The following DMXL2 variants were observed in gnomAD, a reference collection of about 807,000 sequenced individuals.
DMXL2 encodes Dmx like 2, also known as dmX-like protein 2.
In DMXL2, 103 loss-of-function variants were observed where a neutral mutation model predicts 331.1. That is an observed-to-expected ratio of 0.31 (90% CI 0.27 to 0.37). DMXL2 has a LOEUF of 0.37. DMXL2 is among the 10% of genes least tolerant of loss of function. The probability of loss-of-function intolerance (pLI) is 1.00; values close to 1 mark genes in which losing one functional copy is unlikely to be tolerated. For missense variants in DMXL2, 3,171 were observed against 3,642.9 expected (o/e 0.87, Z 3.33); for synonymous variants, 1,281 against 1,252.1 (o/e 1.02, Z -0.49).
At chr15:51,521,411 T>TTGC (rs1210691731) in intron 13 of DMXL2, among the ~76,000 whole-genome samples, 2 of 136,780 alleles carry the variant, frequency 1.5e-5, no homozygotes, top group East Asian at 4.3e-4. Flanking sequence ...AGATAAAAGT[T>TTGC]TGCTAGTAGT....
chr15:51,497,858 G>A (rs1309136481), intron 18 of DMXL2, among the ~76,000 whole-genome samples: 1 of 152,136 alleles, frequency 6.6e-6, no homozygotes, highest in Non-Finnish European at 1.5e-5. Context: ...GTCCCAATAA[G>A]CCTCATGATT....
chr15:51,459,918 G>A, intron 33 of DMXL2: 5 of 1,107,222 alleles, frequency 4.5e-6, no homozygotes, highest in Non-Finnish European at 5.6e-6. Flanking sequence ...TTAGTTATCT[G>A]TATACAGTTT....
At chr15:51,533,591 T>C (rs2048125019) in intron 13 of DMXL2, among the ~76,000 whole-genome samples, 2 of 152,228 alleles carry the variant, frequency 1.3e-5, no homozygotes, top group South Asian at 4.1e-4. Flanking sequence ...CCTAGTACAA[T>C]GTTTTGGTCA....
At chr15:51,616,092 T>C (rs2141436750) in intron 1 of DMXL2, among the ~76,000 whole-genome samples, 1 of 152,312 alleles carries the variant, frequency 6.6e-6, no homozygotes, top group South Asian at 2.1e-4. Flanking sequence ...AAGGCTCAGT[T>C]TTTAGAAGAC....
intron 5 of DMXL2, 94 bp downstream of exon 5, chr15:51,564,031 A>T: frequency 2.2e-6 from 3 of 1,367,586 alleles, no homozygotes; most frequent in Non-Finnish European, 3.0e-6. Flanking sequence ...ATGCAATGGT[A>T]CCATCAAAAA....
At chr15:51,484,112 C>CTGAG (rs2042217897) in intron 23 of DMXL2, among the ~76,000 whole-genome samples, 2 of 152,200 alleles carry the variant, frequency 1.3e-5, no homozygotes, top group Non-Finnish European at 2.9e-5. Flanking sequence ...AGCTGAGCAG[C>CTGAG]CATGCAATCG....
intron 1 of DMXL2, among the ~76,000 whole-genome samples, chr15:51,609,181 C>A (rs566924201): frequency 6.6e-6 from 1 of 152,002 alleles, no homozygotes; most frequent in Non-Finnish European, 1.5e-5. Flanking sequence ...AGGGAAAAAA[C>A]TGAATGAAAA....
chr15:51,614,744 T>C (rs1051857800), intron 1 of DMXL2, among the ~76,000 whole-genome samples: 7 of 152,088 alleles, frequency 4.6e-5, no homozygotes, highest in Admixed American at 6.5e-5. Context: ...GCTAAAGAAA[T>C]AGCAATAGAG....
Position 51,457,332 on chromosome 15 carries a change from C to T in DMXL2, c.8333G>A (p.Ser2778Asn). The T allele has an allele frequency of 6.2e-7, 1 of 1,613,322 alleles. No individual in the cohort carries two copies. The highest frequency in any genetic ancestry group is 8.5e-7 in the Non-Finnish European group (1 of 1,179,754). The change falls in exon 37 of 44, where the codon AGT (serine) becomes AAT (asparagine). Residue 2778 changes from serine (S) to asparagine (N), a missense_variant. Ser to Asn is a conservative substitution (Grantham distance 46). Transcript: ENST00000560891. ...LGTGQTSTGA[S>N]VLMKRNLHNV... ...ACCTATAAGTAAATAACATACCACA[C>T]TAGCTCCAGTGCTAGTCTGTCCAGT...
intron 19 of DMXL2, among the ~76,000 whole-genome samples, chr15:51,494,256 C>G (rs2043005145): frequency 6.6e-6 from 1 of 152,096 alleles, no homozygotes; most frequent in African/African-American, 2.4e-5. Context: ...GTTATGTTTT[C>G]AAAGAACATT....
At chr15:51,616,301 C>G (rs8042840) in intron 1 of DMXL2, among the ~76,000 whole-genome samples, 2 of 151,654 alleles carry the variant, frequency 1.3e-5, no homozygotes, top group African/African-American at 4.9e-5. Flanking sequence ...TTAAAGGAAG[C>G]CTCAGGAATC....
At chr15:51,537,895 C>CCTTTGTT in intron 10 of DMXL2, 136 bp from the exon 11 acceptor site, 2 of 1,119,162 alleles carry the variant, frequency 1.8e-6, no homozygotes, top group Non-Finnish European at 2.4e-6. Context: ...ACAAAGGAAA[C>CCTTTGTT]TTTTGTCTGA....
intron 30 of DMXL2, among the ~76,000 whole-genome samples, 185 bp from the exon 31 acceptor site, chr15:51,465,836 A>G (rs935561360): frequency 6.6e-6 from 1 of 152,216 alleles, no homozygotes; most frequent in Non-Finnish European, 1.5e-5. Context: ...ATACTATATT[A>G]CACTTGCTGA....
intron 17 of DMXL2, among the ~76,000 whole-genome samples, chr15:51,501,265 G>A (rs1430823265): frequency 1.3e-5 from 2 of 152,070 alleles, no homozygotes; most frequent in Non-Finnish European, 2.9e-5. Flanking sequence ...AGTAATTTTA[G>A]CGGCCCCGAA....
chr15:51,599,402 G>A (rs987820095), intron 1 of DMXL2, among the ~76,000 whole-genome samples: 7 of 152,088 alleles, frequency 4.6e-5, no homozygotes, highest in Admixed American at 6.6e-5. Flanking sequence ...AAATGTGTGT[G>A]TATGTTTATG....
chr15:51,476,782 A>G (rs2041621861), intron 26 of DMXL2, 63 bp from the exon 27 acceptor site: 6 of 1,401,232 alleles, frequency 4.3e-6, no homozygotes, highest in Non-Finnish European at 5.7e-6. Flanking sequence ...CACTTTATGT[A>G]TATCATCTAT....
At chr15:51,539,914 C>T (rs1657185813) in intron 9 of DMXL2, among the ~76,000 whole-genome samples, 1 of 152,190 alleles carries the variant, frequency 6.6e-6, no homozygotes, top group South Asian at 2.1e-4. Flanking sequence ...AGATAAAATG[C>T]ATGGACATTC....
At chr15:51,491,781 A>C (rs2042819197) in intron 19 of DMXL2, 34 bp from the exon 20 acceptor site, 7 of 1,554,404 alleles carry the variant, frequency 4.5e-6, no homozygotes, top group Non-Finnish European at 6.1e-6. Context: ...AATCTGCGTA[A>C]CTGTATCAAA....
chr15:51,458,981 T>A, intron 34 of DMXL2, 186 bp from the exon 35 acceptor site: 1 of 578,198 alleles, frequency 1.7e-6, no homozygotes, highest in Non-Finnish European at 3.1e-6. Context: ...TTTGCTTAAA[T>A]TCTCTGATGT....
Sources: gnomAD v4.1 joint callset for allele counts (sites outside exome capture counted in the v4.1 genomes callset) on GRCh38, gnomAD v4.1.1 for gene constraint, MANE v1.5 for transcripts, NCBI Gene and HGNC (gene_info 2026-07-23, HGNC 2026-07-21) for gene names.